The following TTC7A variants were observed in gnomAD, a reference collection of about 807,000 sequenced individuals.
TTC7A encodes tetratricopeptide repeat domain 7A, also known as tetratricopeptide repeat protein 7A.
Under a neutral mutation model 103.7 loss-of-function variants are expected in TTC7A, and 110 were observed. The ratio of observed to expected loss-of-function variants is 1.06; its 90% CI spans 0.91 to 1.24. TTC7A has a LOEUF of 1.24. TTC7A is among the 50% of genes most tolerant of loss of function. TTC7A has a pLI of 0.00. For synonymous variants in TTC7A, 521 were observed against 467.9 expected (o/e 1.11, Z -1.47); for missense variants, 1,340 against 1,116.3 (o/e 1.20, Z -2.86).
In TTC7A at chr2:47,011,174, C is replaced by T. The variant is rs112500481; in HGVS notation, c.1288-157C>T. ...GAGGCCCAGGGAGGGATTTGCCTGC[C>T]GACACTGCCTAGGCTTCTCTGCCCT... is the stretch of plus-strand genomic sequence containing the variant. On this transcript the variant is annotated intron_variant, in intron 10 of 19. Transcript: ENST00000319190. Among the ~76,000 whole-genome samples, 294 of 152,298 alleles carry T rather than the reference C, an allele frequency of 1.9e-3. 1 individual carries two copies. The highest frequency in any genetic ancestry group is 6.7e-3 in the African/African-American group (279 of 41,560).
intron 19 of TTC7A, among the ~76,000 whole-genome samples, chr2:47,063,790 C>G (rs1321507443): frequency 6.6e-6 from 1 of 152,208 alleles, no homozygotes; most frequent in African/African-American, 2.4e-5. Context: ...AGCGAGCCCT[C>G]TGAGGTCGTG....
chr2:47,011,295 G>A (rs528025943), intron 10 of TTC7A, 36 bp from the exon 11 acceptor site: 2 of 1,590,870 alleles, frequency 1.3e-6, no homozygotes, highest in African/African-American at 2.7e-5. Flanking sequence ...ATCCAGGACT[G>A]TGAGTGACAG....
chr2:46,937,498 T>C (rs1229241778), upstream of TTC7A, among the ~76,000 whole-genome samples: 1 of 152,228 alleles, frequency 6.6e-6, no homozygotes, highest in Non-Finnish European at 1.5e-5. This position sits in a 1 kb window ranked among gnomAD's most constrained non-coding sequence, Gnocchi z 4.0. Flanking sequence ...TAGGAACATA[T>C]CATCCAGAGC....
intron 8 of TTC7A, among the ~76,000 whole-genome samples, chr2:46,997,831 C>G (rs1676370220): frequency 6.6e-6 from 1 of 152,146 alleles, no homozygotes; most frequent in Non-Finnish European, 1.5e-5. Context: ...AAGTCATTTT[C>G]TGTAGCCTCT....
At chr2:46,940,013 T>C (rs1455640590), upstream of TTC7A, among the ~76,000 whole-genome samples, 1 of 152,110 alleles carries the variant, frequency 6.6e-6, no homozygotes, top group South Asian at 2.1e-4. This position sits in a 1 kb window ranked among gnomAD's most constrained non-coding sequence, Gnocchi z 4.7. Context: ...GGACTGGAGC[T>C]GCATTTAGAA....
intron 2 of TTC7A, among the ~76,000 whole-genome samples, chr2:46,933,535 A>G (rs1478421811): frequency 2.0e-5 from 3 of 152,224 alleles, no homozygotes; most frequent in Non-Finnish European, 4.4e-5. Context: ...AGCTCCTGGC[A>G]GAGTTTTAAT....
intron 19 of TTC7A, among the ~76,000 whole-genome samples, chr2:47,065,480 T>G (rs988575477): frequency 6.6e-6 from 1 of 152,208 alleles, no homozygotes; most frequent in Non-Finnish European, 1.5e-5. Context: ...TTATGTAGAT[T>G]CCTTTGTGCC....
rs554247625 is a variant in TTC7A, at chr2:46,949,827, G to A, written c.185-536G>A. Among the ~76,000 whole-genome samples, 10 of 152,246 alleles carry A rather than the reference G, an allele frequency of 6.6e-5. No individual in the cohort carries two copies. In the South Asian group the frequency reaches 2.1e-3, roughly 32 times the overall value. On this transcript the variant is annotated intron_variant, in intron 1 of 19. Coordinates refer to ENST00000319190, the MANE Select transcript of TTC7A (RefSeq NM_020458.4). ...GGTCACTTGAGCCTGGGAGTGCCAT[G>A]ATCATGCCAGTGCACTCCAGCTAGG...
At chr2:47,014,188 A>C (rs1288597540) in intron 11 of TTC7A, among the ~76,000 whole-genome samples, 1 of 151,984 alleles carries the variant, frequency 6.6e-6, no homozygotes, top group Non-Finnish European at 1.5e-5. Context: ...CTAGGTGGGG[A>C]ACTTGCTCAC....
chr2:47,058,048 C>A (rs912084042), intron 18 of TTC7A, among the ~76,000 whole-genome samples: 9 of 152,152 alleles, frequency 5.9e-5, no homozygotes, highest in African/African-American at 2.2e-4. Flanking sequence ...GTTCAGATGC[C>A]CCAGCAGCAG....
chr2:47,071,387 C>G (rs1253037548), intron 19 of TTC7A, among the ~76,000 whole-genome samples: 1 of 152,188 alleles, frequency 6.6e-6, no homozygotes, highest in Non-Finnish European at 1.5e-5. Context: ...GAGAGCCATG[C>G]CCTCTCCCAG....
intron 18 of TTC7A, chr2:47,053,976 A>G (rs1478225559): frequency 3.3e-6 from 1 of 302,588 alleles, no homozygotes; most frequent in Non-Finnish European, 4.9e-6. Flanking sequence ...TGATAACTCC[A>G]AGTAAGGTTA....
chr2:47,030,438 C>T (rs1178708620), intron 15 of TTC7A, among the ~76,000 whole-genome samples: 1 of 152,206 alleles, frequency 6.6e-6, no homozygotes, highest in African/African-American at 2.4e-5. Context: ...CCTTGGCCTC[C>T]TTCAGACGAC....
At chr2:46,948,603 A>G (rs1671138324) in intron 1 of TTC7A, among the ~76,000 whole-genome samples, 2 of 152,148 alleles carry the variant, frequency 1.3e-5, no homozygotes, top group African/African-American at 4.8e-5. Flanking sequence ...TTACGGTGAG[A>G]GATTCTTCTT....
At chr2:47,003,904 G>A (rs1480227472) in intron 8 of TTC7A, among the ~76,000 whole-genome samples, 5 of 152,192 alleles carry the variant, frequency 3.3e-5, no homozygotes, top group African/African-American at 7.2e-5. Flanking sequence ...GTACATCGCC[G>A]GGGACAGAAC....
At position 46,993,431 on chromosome 2, in the gene TTC7A, T is replaced by C. The variant is rs1179976526; in HGVS notation, c.765-19T>C. The C allele has an allele frequency of 5.6e-6, 9 of 1,613,904 alleles. No individual in the cohort carries two copies. Among genetic ancestry groups the C allele is most frequent in the Non-Finnish European group, 7.6e-6 (9 of 1,179,740 alleles). ...GAGCTAGGCTGGTAACAAATCTACT[T>C]CTGCCGTCCTCCCACCAGGAACATC... is the stretch of plus-strand genomic sequence containing the variant. On this transcript the variant is annotated intron_variant, in intron 5 of 19. Transcript: ENST00000319190.
intron 5 of TTC7A, among the ~76,000 whole-genome samples, chr2:46,979,380 G>A (rs1423555509): frequency 2.0e-5 from 3 of 152,208 alleles, no homozygotes; most frequent in Non-Finnish European, 4.4e-5. Flanking sequence ...GGTGAAGGAC[G>A]AGGGAAAGTA....
At chr2:46,921,231 C>T (rs1173162567) in intron 2 of TTC7A, among the ~76,000 whole-genome samples, 2 of 152,150 alleles carry the variant, frequency 1.3e-5, no homozygotes, top group Non-Finnish European at 1.5e-5. Context: ...GTAAAAGTAT[C>T]TTTATTCACA....
chr2:46,938,997 C>T (rs1381452565), upstream of TTC7A, among the ~76,000 whole-genome samples: 7 of 138,114 alleles, frequency 5.1e-5, no homozygotes, highest in African/African-American at 1.4e-4. Flanking sequence ...GGCAACAGAG[C>T]GAGACTCTGT....
Sources: allele counts gnomAD v4.1 joint callset (sites outside exome capture counted in the v4.1 genomes callset), GRCh38; gene constraint gnomAD v4.1.1; non-coding constraint Gnocchi (gnomAD v3.1); transcripts MANE v1.5; gene names NCBI Gene and HGNC (gene_info 2026-07-23, HGNC 2026-07-21).